STRBP: variants seen among roughly 807,000 people sequenced by gnomAD.
STRBP encodes spermatid perinuclear RNA binding protein.
STRBP carries 13 observed loss-of-function variants against 80.1 expected under a neutral mutation model. The ratio of observed to expected loss-of-function variants is 0.16; its 90% CI spans 0.11 to 0.26. The LOEUF (loss-of-function observed/expected upper bound fraction) is 0.26. Among genes scored for constraint, STRBP ranks in the 10% least tolerant of loss-of-function variants. STRBP has a pLI of 1.00. For synonymous variants in STRBP, 284 were observed against 291.2 expected, an observed-to-expected ratio of 0.98 and a Z score of 0.25; for missense variants, 485 against 815.2, an observed-to-expected ratio of 0.59 and a Z score of 4.93.
intron 6 of STRBP, 24 bp downstream of exon 6, chr9:123,169,878 A>ATG: frequency 8.3e-7 from 1 of 1,211,900 alleles, no homozygotes; most frequent in Non-Finnish European, 1.1e-6. Flanking sequence ...ATATACATAT[A>ATG]TATATATATA....
At position 123,169,967 on chromosome 9, in the gene STRBP, G is replaced by A. The variant is rs1275680895; in HGVS notation, c.470C>T (p.Thr157Met). 1.7e-5 allele frequency: 27 copies of A among 1,607,292 alleles called. No individual in the cohort carries two copies. Among genetic ancestry groups the A allele is most frequent in the African/African-American group, 4.0e-5 (3 of 74,496 alleles). Reference protein sequence around the residue: ...SIIIRNTKEPTLTLKVILTSP... With the variant: ...SIIIRNTKEPMLTLKVILTSP... ...GGTAAGTATCACCTTCAAAGTTAGC[G>A]TGGGCTCTTTTGTATTCCGAATTAT... The change falls in exon 6 of 19, where the codon ACG becomes ATG. Residue 157 changes from threonine to methionine, a missense_variant. Coordinates refer to ENST00000348403, the MANE Select transcript of STRBP (RefSeq NM_018387.5).
intron 3 of STRBP, chr9:123,114,952 G>A (rs1256703295): frequency 8.9e-6 from 3 of 337,776 alleles, no homozygotes; most frequent in Admixed American, 4.1e-5. Flanking sequence ...CCTCCCTCAC[G>A]CCTCGCCTGG....
At chr9:123,131,603 C>A (rs1483436379) in intron 17 of STRBP, among the ~76,000 whole-genome samples, 1 of 152,222 alleles carries the variant, frequency 6.6e-6, no homozygotes, top group Non-Finnish European at 1.5e-5. Context: ...CTCCAGGGAC[C>A]CACTAAACTA....
intron 11 of STRBP, among the ~76,000 whole-genome samples, chr9:123,149,238 G>C (rs993076024): frequency 6.6e-6 from 1 of 151,996 alleles, no homozygotes; most frequent in Non-Finnish European, 1.5e-5. Flanking sequence ...CATTTGCTTG[G>C]GTCAATATTT....
intron 5 of STRBP, among the ~76,000 whole-genome samples, chr9:123,172,889 G>C (rs1417067943): frequency 6.6e-6 from 1 of 152,064 alleles, no homozygotes; most frequent in Non-Finnish European, 1.5e-5. Context: ...TCACAAGTTT[G>C]GACTTAGAGG....
At chr9:123,148,900 CA>C (rs1164776130) in intron 11 of STRBP, among the ~76,000 whole-genome samples, 2 of 152,100 alleles carry the variant, frequency 1.3e-5, no homozygotes, top group Non-Finnish European at 2.9e-5. Context: ...GGGCACTGAG[CA>C]AAAACTAACT....
In STRBP at chr9:123,125,039, T is replaced by C. The variant is rs1294507216; in HGVS notation, c.*558A>G. ...TCAAAAATAATAAGCTAAAACAATATTCAAACCCATATTTTATTGGCTTTA... is the reference window on the plus strand; with the variant it reads ...TCAAAAATAATAAGCTAAAACAATACTCAAACCCATATTTTATTGGCTTTA... On this transcript the variant is annotated 3_prime_UTR_variant, in exon 19 of 19. Coordinates refer to ENST00000348403, the MANE Select transcript of STRBP (RefSeq NM_018387.5). The C allele has an allele frequency of 4.1e-6, 4 of 985,326 alleles. No individual in the cohort carries two copies. The highest frequency in any genetic ancestry group is 3.6e-6 in the Non-Finnish European group (3 of 829,528). 61.0% of individuals were successfully genotyped at this position (985,326 alleles called of 1,614,324 possible).
chr9:123,146,328 T>C (rs989762942), intron 13 of STRBP, among the ~76,000 whole-genome samples: 1 of 151,910 alleles, frequency 6.6e-6, no homozygotes, highest in Admixed American at 6.6e-5. Context: ...ACAAAGATAC[T>C]GATCAAATTT....
chr9:123,234,401 A>G (rs2040490683), intron 2 of STRBP, among the ~76,000 whole-genome samples: 1 of 152,062 alleles, frequency 6.6e-6, no homozygotes, highest in African/African-American at 2.4e-5. Context: ...GAAAAAACTG[A>G]GAATCACAGA....
At chr9:123,163,626 T>A (rs1352016769) in intron 6 of STRBP, among the ~76,000 whole-genome samples, 1 of 152,222 alleles carries the variant, frequency 6.6e-6, no homozygotes. Context: ...AAGTTCTTAA[T>A]ATTAAAACAA....
At chr9:123,119,312 T>A (rs2035693328), downstream of STRBP, among the ~76,000 whole-genome samples, 1 of 151,944 alleles carries the variant, frequency 6.6e-6, no homozygotes, top group East Asian at 1.9e-4. Context: ...ATGCACTGGT[T>A]GGACACTTGG....
chr9:123,215,950 G>A lies in STRBP; in HGVS notation c.-165+20880C>T, dbSNP rs894321843. The stretch of plus-strand genomic sequence containing the variant: ...CTGATAACAGTGAAAGAAAGATTTC[G>A]GACATCTCATTTCCCACTCCTCTGC... On this transcript the variant is annotated intron_variant, in intron 2 of 18. Coordinates refer to ENST00000348403, the MANE Select transcript of STRBP (RefSeq NM_018387.5). 5.3e-5 allele frequency among the ~76,000 whole-genome samples: 8 copies of A among 152,104 alleles called. No homozygotes were observed. The East Asian group carries it at 1.2e-3, about 22-fold the overall frequency.
intron 2 of STRBP, among the ~76,000 whole-genome samples, chr9:123,187,782 C>T (rs2038760321): frequency 7.1e-6 from 1 of 140,954 alleles, no homozygotes; most frequent in Non-Finnish European, 1.5e-5. Flanking sequence ...CCACCACCCA[C>T]CACACATAGT....
chr9:123,123,267 T>C lies in STRBP; in HGVS notation c.*2330A>G, dbSNP rs971489569. On this transcript the variant is annotated 3_prime_UTR_variant, in exon 19 of 19. Coordinates refer to ENST00000348403, the MANE Select transcript of STRBP (RefSeq NM_018387.5). ...AAACTTCATGTTAATCTCAGGCAAT[T>C]TGGTGAAGCCAAGAGCTTCATTTAT... The C allele has an allele frequency of 8.1e-6, 8 of 985,232 alleles. No homozygotes were observed. The highest frequency in any genetic ancestry group is 3.5e-5 in the African/African-American group (2 of 57,208). 61.0% of individuals were successfully genotyped at this position (985,232 alleles called of 1,614,324 possible).
chr9:123,233,879 T>C (rs978233501), intron 2 of STRBP, among the ~76,000 whole-genome samples: 1 of 152,184 alleles, frequency 6.6e-6, no homozygotes, highest in Non-Finnish European at 1.5e-5. Context: ...ATGCTTCTTT[T>C]AAAGTGACAA....
chr9:123,170,334 CA>C (rs966680748), intron 5 of STRBP, among the ~76,000 whole-genome samples: 1 of 152,072 alleles, frequency 6.6e-6, no homozygotes, highest in Non-Finnish European at 1.5e-5. Context: ...AGTAAAATGC[CA>C]ATAGCATCAG....
intron 13 of STRBP, among the ~76,000 whole-genome samples, chr9:123,142,066 C>G (rs533242589): frequency 1.3e-5 from 2 of 152,268 alleles, no homozygotes; most frequent in East Asian, 3.9e-4. Flanking sequence ...TATTTAATCA[C>G]CCTCCATCAC....
intron 6 of STRBP, among the ~76,000 whole-genome samples, chr9:123,165,297 A>T (rs1365821993): frequency 6.6e-6 from 1 of 151,960 alleles, no homozygotes; most frequent in Non-Finnish European, 1.5e-5. Context: ...AAAAAAAAAA[A>T]AAGTTTGCCC....
chr9:123,175,055 C>T (rs2038163455), intron 4 of STRBP, among the ~76,000 whole-genome samples: 1 of 152,160 alleles, frequency 6.6e-6, no homozygotes, highest in South Asian at 2.1e-4. Flanking sequence ...AACATCTGAG[C>T]ACAAACAGGT....
Sources: allele counts gnomAD v4.1 joint callset (sites outside exome capture counted in the v4.1 genomes callset), GRCh38; gene constraint gnomAD v4.1.1; transcripts MANE v1.5; gene names NCBI Gene and HGNC (gene_info 2026-07-23, HGNC 2026-07-21).